The following MOV10L1 variants were observed in gnomAD, a reference collection of about 807,000 sequenced individuals.
The protein encoded by MOV10L1 is RNA helicase Mov10l1.
MOV10L1 carries 110 observed loss-of-function variants against 143.8 expected under a neutral mutation model. The ratio of observed to expected loss-of-function variants is 0.76; its 90% CI spans 0.66 to 0.90. MOV10L1 has a LOEUF of 0.90. Among genes scored for constraint, MOV10L1 ranks in the 40% least tolerant of loss-of-function variants. The pLI, the probability that MOV10L1 is intolerant of heterozygous loss-of-function variation, is 0.00. For missense variants in MOV10L1, 1,406 were observed against 1,526.8 expected (o/e 0.92, Z 1.32); for synonymous variants, 593 against 581.1 (o/e 1.02, Z -0.29).
rs200330401 is a variant in MOV10L1 at position 50,134,113 on chromosome 22, T to C, written c.1969+48T>C. On this transcript the variant is annotated intron_variant, in intron 14 of 26. Transcript: ENST00000262794. ...GTGTTACATCTTCACAGAGTATTTT[T>C]ATAGGCTTCATGTAAAATTTTGTGT... 1,015 of 1,471,738 alleles carry C rather than the reference T, an allele frequency of 6.9e-4. 1 individual carries two copies. Among genetic ancestry groups the C allele is most frequent in the Non-Finnish European group, 8.6e-4 (923 of 1,078,278 alleles). The allele number at this position is 1,471,738 out of a possible 1,614,324, so 91.2% of individuals were successfully genotyped here. A position where few individuals can be genotyped will look rare whatever the true frequency, so the allele number is the denominator to read the frequency against.
chr22:50,111,798 C>G (rs936929261), intron 5 of MOV10L1, among the ~76,000 whole-genome samples: 1 of 152,194 alleles, frequency 6.6e-6, no homozygotes, highest in African/African-American at 2.4e-5. Context: ...CCACCACGCC[C>G]GGCCCCGAGT....
At chr22:50,155,388 G>T (rs2063400070) in intron 22 of MOV10L1, among the ~76,000 whole-genome samples, 1 of 151,624 alleles carries the variant, frequency 6.6e-6, no homozygotes, top group African/African-American at 2.4e-5. Flanking sequence ...AGCCTCCCAA[G>T]TAGCTGGGAC....
intron 13 of MOV10L1, among the ~76,000 whole-genome samples, chr22:50,128,785 C>T (rs532637861): frequency 1.8e-4 from 27 of 151,782 alleles, no homozygotes; most frequent in African/African-American, 4.8e-4. Flanking sequence ...CCTTGTGATA[C>T]GCTTGCCTTG....
rs781714331 is a variant in MOV10L1, at chr22:50,145,703, C to T, written c.2520C>T (p.Ala840=). Residue 840 remains alanine (A), a synonymous_variant, in exon 19 of 27, where the codon GCC becomes GCT. Coordinates refer to ENST00000262794, the MANE Select transcript of MOV10L1 (RefSeq NM_018995.3). The part of the protein sequence containing the change: ...TCRFEEIVID[A]VKPYCRDGED... ...CTTGCCCCCAGATAGTTATTGACGC[C>T]GTCAAACCGTATTGCAGAGACGGAG... is the stretch of plus-strand genomic sequence containing the variant. The T allele has an allele frequency of 8.7e-6, 14 of 1,613,934 alleles. No individual in the cohort carries two copies. Among genetic ancestry groups the T allele is most frequent in the African/African-American group, 2.7e-5 (2 of 74,912 alleles).
chr22:50,114,054 G>A (rs2062099985), intron 6 of MOV10L1, among the ~76,000 whole-genome samples: 1 of 151,638 alleles, frequency 6.6e-6, no homozygotes, highest in African/African-American at 2.4e-5. Flanking sequence ...GAGTAGCTGG[G>A]ACTACAGGCG....
chr22:50,145,362 C>T (rs1269052913), intron 18 of MOV10L1, among the ~76,000 whole-genome samples: 1 of 152,166 alleles, frequency 6.6e-6, no homozygotes, highest in Non-Finnish European at 1.5e-5. Context: ...GCAGAGGTTG[C>T]AGTGAGCCGA....
At position 50,144,644 on chromosome 22, in the gene MOV10L1, T is replaced by TGC. The variant is rs1569035454; in HGVS notation, c.2505+402_2505+403insCG. On this transcript the variant is annotated intron_variant, in intron 18 of 26. Coordinates refer to ENST00000262794, the MANE Select transcript of MOV10L1 (RefSeq NM_018995.3). ...TCGCCCAGGCTGAAGTGCAGTGGCATGATCTCGGCTCACTGCAAGCTCCGC... is the reference window on the plus strand; with the variant it reads ...TCGCCCAGGCTGAAGTGCAGTGGCATGCGATCTCGGCTCACTGCAAGCTCCGC... Among the ~76,000 whole-genome samples the TGC allele has an allele frequency of 5.1e-3, 772 of 152,096 alleles. 7 individuals carry two copies. The highest frequency in any genetic ancestry group is 0.018 in the African/African-American group (729 of 41,470).
chr22:50,106,738 G>C (rs2061878424), intron 3 of MOV10L1, among the ~76,000 whole-genome samples: 1 of 137,366 alleles, frequency 7.3e-6, no homozygotes, highest in Non-Finnish European at 1.5e-5. Context: ...ATCTCGCTCT[G>C]TTGCCTAGGC....
At position 50,134,630 on chromosome 22, in the gene MOV10L1, G is replaced by A; in HGVS notation, c.2070G>A (p.Lys690=). 1 of 1,613,940 alleles carries A rather than the reference G, an allele frequency of 6.2e-7. No homozygotes were observed. The highest frequency in any genetic ancestry group is 8.5e-7 in the Non-Finnish European group (1 of 1,179,856). ...TKSSGQSTSK[K]NRKTMTDQAE... ...GCAGTGGACAGTCCACCAGCAAAAA[G>A]GTAGTGCTCAGCAATGTGGCTTTCT... The change falls in exon 15 of 27, where the codon AAG becomes AAA. Residue 690 remains lysine (K), a splice_region_variant and synonymous_variant. Coordinates refer to ENST00000262794, the MANE Select transcript of MOV10L1 (RefSeq NM_018995.3).
Position 50,161,511 on chromosome 22 carries a change from T to C in MOV10L1, c.*62T>C. 6.7e-7 allele frequency: 1 copy of C among 1,483,344 alleles called. No homozygotes were observed. The highest frequency in any genetic ancestry group is 1.4e-5 in the African/African-American group (1 of 71,722). 91.9% of individuals were successfully genotyped at this position (1,483,344 alleles called of 1,614,324 possible). On this transcript the variant is annotated 3_prime_UTR_variant, in exon 27 of 27. Coordinates refer to ENST00000262794, the MANE Select transcript of MOV10L1 (RefSeq NM_018995.3). ...GCCTGGCCACGTTGCCGTTACAGTC[T>C]GCTCCGTGGCTCCTGTGGCCTGCCC...
chr22:50,117,783 G>A (rs2062223291), intron 9 of MOV10L1, among the ~76,000 whole-genome samples: 1 of 152,180 alleles, frequency 6.6e-6, no homozygotes, highest in Non-Finnish European at 1.5e-5. Context: ...TGAAGATGTG[G>A]TACCACTTAA....
chr22:50,128,316 T>A, intron 12 of MOV10L1, 100 bp from the exon 13 acceptor site: 1 of 702,776 alleles, frequency 1.4e-6, no homozygotes, highest in Non-Finnish European at 2.5e-6. Flanking sequence ...GATATCAAAT[T>A]TTAGCTCAGA....
chr22:50,090,472 C>T (rs1305814495), intron 1 of MOV10L1: 3 of 1,609,852 alleles, frequency 1.9e-6, no homozygotes, highest in South Asian at 1.1e-5. Flanking sequence ...CAAGTCGTCT[C>T]TCCATGTCGT....
chr22:50,103,623 C>T (rs565122744), intron 3 of MOV10L1, among the ~76,000 whole-genome samples: 234 of 152,262 alleles, frequency 1.5e-3, no homozygotes, highest in African/African-American at 4.0e-3. Flanking sequence ...GTCTGAGCTG[C>T]GAGCATGTGG....
chr22:50,142,916 A>G (rs1016640260), intron 16 of MOV10L1, 127 bp from the exon 17 acceptor site: 6 of 767,530 alleles, frequency 7.8e-6, no homozygotes, highest in East Asian at 2.6e-5. Flanking sequence ...CTGAAGAGCT[A>G]CTCCCTGTCT....
At chr22:50,093,857 T>G (rs976954055) in intron 2 of MOV10L1, 2 of 152,194 alleles carry the variant, frequency 1.3e-5, no homozygotes, top group Non-Finnish European at 2.9e-5. Flanking sequence ...TTTATTTGGG[T>G]GCACAGACTG....
At chr22:50,116,660 C>CTTTTTTT (rs397867977) in intron 8 of MOV10L1, among the ~76,000 whole-genome samples, 5 of 104,102 alleles carry the variant, frequency 4.8e-5, no homozygotes, top group African/African-American at 3.5e-5. Context: ...TAGATGCTTA[C>CTTTTTTT]TTTTTTTTTT....
At chr22:50,096,813 C>T (rs576428391) in intron 2 of MOV10L1, among the ~76,000 whole-genome samples, 24 of 152,048 alleles carry the variant, frequency 1.6e-4, no homozygotes, top group Non-Finnish European at 2.4e-4. Flanking sequence ...ATCCTTTGCC[C>T]GTTTTGAAAT....
chr22:50,145,860 G>A (rs748999972), intron 19 of MOV10L1, 50 bp downstream of exon 19: 25 of 1,607,752 alleles, frequency 1.6e-5, no homozygotes, highest in South Asian at 1.1e-4. Context: ...GGCAGAGGTC[G>A]GAGTCCTCTC....
Sources: gnomAD v4.1 joint callset for allele counts (sites outside exome capture counted in the v4.1 genomes callset) on GRCh38, gnomAD v4.1.1 for gene constraint, MANE v1.5 for transcripts, NCBI Gene and HGNC (gene_info 2026-07-23, HGNC 2026-07-21) for gene names.